Variants in FSHR observed in about 807,000 individuals in gnomAD.
FSHR encodes the protein follicle-stimulating hormone receptor.
Under a neutral mutation model 52.1 loss-of-function variants are expected in FSHR, and 46 were observed. The observed-to-expected ratio is 0.88, with a 90% confidence interval of 0.70 to 1.13. The LOEUF is 1.13. Among genes scored for constraint, FSHR ranks in the 50% most tolerant of loss-of-function variants. The pLI is 0.00. For missense variants in FSHR, 964 were observed against 834.6 expected, an observed-to-expected ratio of 1.16 and a Z score of -1.91; for synonymous variants, 399 against 309.6, an observed-to-expected ratio of 1.29 and a Z score of -3.03.
intron 1 of FSHR, among the ~76,000 whole-genome samples, chr2:49,127,429 G>A (rs1187799533): frequency 1.3e-5 from 2 of 151,946 alleles, no homozygotes; most frequent in Non-Finnish European, 1.5e-5. Context: ...CAAGAAAAGT[G>A]CATCATGGAG....
chr2:48,990,613 C>T lies in FSHR; in HGVS notation c.399G>A (p.Lys133=), dbSNP rs148815172. 2.4e-4 allele frequency: 379 copies of T among 1,611,548 alleles called. No individual in the cohort carries two copies. In the African/African-American group the frequency reaches 3.1e-3, roughly 13 times the overall value. ...GAATCTTGTGAACATCTGGAAGGTG[C>T]TTAATACCTGTGTTGGATATTAACC... ...QYLLISNTGI[K]HLPDVHKIHS... is the part of the protein sequence containing the mutation. The change falls in exon 5 of 10, where the codon AAG becomes AAA. Residue 133 remains lysine (K), a synonymous_variant. Coordinates refer to ENST00000406846, the MANE Select transcript of FSHR (RefSeq NM_000145.4).
At chr2:49,007,096 A>C (rs1428853073) in intron 4 of FSHR, among the ~76,000 whole-genome samples, 1 of 152,132 alleles carries the variant, frequency 6.6e-6, no homozygotes, top group African/African-American at 2.4e-5. Context: ...AAAAGGATGG[A>C]GGAGAAATGG....
chr2:48,985,007 G>A (rs952292341), intron 6 of FSHR, among the ~76,000 whole-genome samples: 14 of 152,196 alleles, frequency 9.2e-5, no homozygotes, highest in Middle Eastern at 3.4e-3. Context: ...TTGGATTTAC[G>A]TTATCTGTGG....
chr2:49,028,844 C>T (rs1293945235), intron 2 of FSHR, among the ~76,000 whole-genome samples: 1 of 152,164 alleles, frequency 6.6e-6, no homozygotes, highest in Non-Finnish European at 1.5e-5. Flanking sequence ...AAATAAAATG[C>T]TGAGAAATAC....
chr2:49,029,620 G>A (rs1668030059), intron 2 of FSHR, among the ~76,000 whole-genome samples: 2 of 152,148 alleles, frequency 1.3e-5, no homozygotes, highest in African/African-American at 4.8e-5. Flanking sequence ...AGTTGGCTGG[G>A]CTGTTGAAGA....
intron 2 of FSHR, among the ~76,000 whole-genome samples, chr2:49,054,362 G>C (rs897942857): frequency 1.3e-5 from 2 of 151,986 alleles, no homozygotes; most frequent in South Asian, 4.2e-4. Context: ...CCCACATCCT[G>C]AATCTAAGAA....
At chr2:48,998,785 C>G (rs980861586) in intron 4 of FSHR, among the ~76,000 whole-genome samples, 2 of 151,716 alleles carry the variant, frequency 1.3e-5, no homozygotes, top group Non-Finnish European at 2.9e-5. Context: ...AAAGCATATT[C>G]CATGAAAATG....
intron 1 of FSHR, among the ~76,000 whole-genome samples, chr2:49,108,105 T>C (rs998541684): frequency 1.3e-5 from 2 of 152,122 alleles, no homozygotes; most frequent in Admixed American, 6.6e-5. Context: ...AGGTCCTGAA[T>C]AGAACAAAAA....
At chr2:49,002,178 C>G (rs1003397865) in intron 4 of FSHR, among the ~76,000 whole-genome samples, 19 of 152,092 alleles carry the variant, frequency 1.2e-4, no homozygotes, top group African/African-American at 4.1e-4. Flanking sequence ...AGTAAAAGAG[C>G]TTTCTGCATT....
At chr2:49,021,315 G>C (rs914589100) in intron 2 of FSHR, among the ~76,000 whole-genome samples, 2 of 152,146 alleles carry the variant, frequency 1.3e-5, no homozygotes, top group African/African-American at 4.8e-5. Context: ...GTTGTGAGGA[G>C]AGAGGGCAGC....
chr2:49,044,876 A>G (rs1245384291), intron 2 of FSHR, among the ~76,000 whole-genome samples: 1 of 152,178 alleles, frequency 6.6e-6, no homozygotes, highest in East Asian at 1.9e-4. Flanking sequence ...GGGAGTGCTC[A>G]GGCTCAATTA....
intron 8 of FSHR, among the ~76,000 whole-genome samples, chr2:48,974,851 A>G (rs76250129): frequency 0.018 from 2,698 of 152,266 alleles, 62 homozygotes; most frequent in African/African-American, 0.061. Flanking sequence ...TTCTCCTAAA[A>G]CATACACACA....
At chr2:49,017,173 A>T (rs934424218) in intron 4 of FSHR, among the ~76,000 whole-genome samples, 1 of 152,252 alleles carries the variant, frequency 6.6e-6, no homozygotes, top group Non-Finnish European at 1.5e-5. Flanking sequence ...GCTAAATGCT[A>T]GCAGAAATTT....
At chr2:49,057,062 G>C (rs1669090478) in intron 2 of FSHR, among the ~76,000 whole-genome samples, 1 of 151,962 alleles carries the variant, frequency 6.6e-6, no homozygotes, top group Non-Finnish European at 1.5e-5. Flanking sequence ...AAACAAGAAA[G>C]ATTTCCCAGC....
Position 48,962,899 on chromosome 2 carries a change from A to G in FSHR, c.1922T>C (p.Leu641Pro). ...CATTTCATAGCAGCCACACTTGCTC[A>G]GCAGAATGAAGAAATCTCTGCGAAA... ...KNFRRDFFIL[L>P]SKCGCYEMQA... The change falls in exon 10 of 10, where the codon CTG (leucine) becomes CCG (proline). Residue 641 changes from leucine (L) to proline (P), a missense_variant. Physicochemically the swap from Leu to Pro is moderately conservative, Grantham distance 98. Coordinates refer to ENST00000406846, the MANE Select transcript of FSHR (RefSeq NM_000145.4). The G allele has an allele frequency of 6.2e-7, 1 of 1,614,178 alleles. No homozygotes were observed. Among genetic ancestry groups the G allele is most frequent in the African/African-American group, 1.3e-5 (1 of 75,058 alleles).
intron 1 of FSHR, among the ~76,000 whole-genome samples, chr2:49,153,846 C>T (rs1040596346): frequency 6.6e-6 from 1 of 152,124 alleles, no homozygotes; most frequent in Non-Finnish European, 1.5e-5. Context: ...CTTTTAGATT[C>T]AGTGTCCTCG....
At chr2:49,066,462 C>A (rs537764681) in intron 2 of FSHR, among the ~76,000 whole-genome samples, 1 of 151,990 alleles carries the variant, frequency 6.6e-6, no homozygotes, top group African/African-American at 2.4e-5. Context: ...CTGAGGAATA[C>A]GCAAGTCTCC....
chr2:49,051,507 T>C (rs1228917574), intron 2 of FSHR, among the ~76,000 whole-genome samples: 1 of 152,106 alleles, frequency 6.6e-6, no homozygotes, highest in African/African-American at 2.4e-5. Context: ...TGTTCAGATA[T>C]TTTGCCCATT....
In FSHR at chr2:48,963,089, T is replaced by C; in HGVS notation, c.1732A>G (p.Ile578Val). The change falls in exon 10 of 10, where the codon ATC (isoleucine) becomes GTC (valine). Residue 578 changes from isoleucine (I) to valine (V), a missense_variant. By Grantham distance (29) the Ile-to-Val change is conservative (BLOSUM62 3). Transcript: ENST00000406846. ...TRIAKRMAML[I>V]FTDFLCMAPI... ...GCCATGCAGAGGAAGTCAGTGAAGA[T>C]GAGCATGGCCATGCGCTTGGCGATC... 1.2e-6 allele frequency: 2 copies of C among 1,614,060 alleles called. No individual in the cohort carries two copies.
Sources: allele counts gnomAD v4.1 joint callset (sites outside exome capture counted in the v4.1 genomes callset), GRCh38; gene constraint gnomAD v4.1.1; transcripts MANE v1.5; gene names NCBI Gene and HGNC (gene_info 2026-07-23, HGNC 2026-07-21).